The following ANK2 variants were observed in gnomAD, a reference collection of about 807,000 sequenced individuals.
ANK2 encodes the protein ankyrin-2.
Under a neutral mutation model 360.5 loss-of-function variants are expected in ANK2, and 83 were observed. That is an observed-to-expected ratio of 0.23 (90% CI 0.19 to 0.28). The LOEUF (loss-of-function observed/expected upper bound fraction) is 0.28, where lower values mean the gene tolerates loss of function less well. ANK2 is among the 10% of genes least tolerant of loss of function. The pLI is 1.00. For synonymous variants in ANK2, 1,740 were observed against 1,759.5 expected (o/e 0.99, Z 0.28); for missense variants, 4,201 against 4,795.7 (o/e 0.88, Z 3.66).
chr4:113,377,986 C>T (rs1589432490), intron 45 of ANK2: 3 of 363,636 alleles, frequency 8.3e-6, no homozygotes, highest in East Asian at 1.1e-4. Context: ...TTTATCGTTT[C>T]AAGTATATCT....
In ANK2 at chr4:113,232,240, A is replaced by C. The variant is rs377660236; in HGVS notation, c.464A>C (p.Asn155Thr). Residue 155 changes from asparagine to threonine, a missense_variant, in exon 5 of 46, where the codon AAT (asparagine) becomes ACT (threonine). Physicochemically the swap from Asn to Thr is moderately conservative, Grantham distance 65. Around this residue, in one of 4 missense-constraint regions of ANK2, gnomAD observed 169 missense variants for 191.1 expected, o/e 0.88. Transcript: ENST00000357077. Reference sequence around the variant, plus strand: ...AAATATTTGCTGGAAAATGGAGCTAATCAGAGCACTGCTACAGAGGTAAGA... The same window carrying C: ...AAATATTTGCTGGAAAATGGAGCTACTCAGAGCACTGCTACAGAGGTAAGA... Reference protein sequence around the residue: ...VVKYLLENGANQSTATEDGFT... With the variant: ...VVKYLLENGATQSTATEDGFT... 1 of 1,593,008 alleles carries C rather than the reference A, an allele frequency of 6.3e-7. No individual in the cohort carries two copies. Among genetic ancestry groups the C allele is most frequent in the Non-Finnish European group, 8.6e-7 (1 of 1,161,092 alleles).
intron 13 of ANK2, among the ~76,000 whole-genome samples, chr4:113,261,195 T>A (rs965508944): frequency 6.6e-6 from 1 of 152,146 alleles, no homozygotes; most frequent in Non-Finnish European, 1.5e-5. Flanking sequence ...ATTTTTTTTT[T>A]AACTGAAAAT....
chr4:112,994,159 C>T (rs776653969), intron 2 of ANK2, among the ~76,000 whole-genome samples: 19 of 152,106 alleles, frequency 1.2e-4, no homozygotes, highest in Non-Finnish European at 2.2e-4. Flanking sequence ...ATATTAATCC[C>T]GACTTTTTGT....
At chr4:113,152,433 T>C (rs896484083) in intron 1 of ANK2, 4 of 152,192 alleles carry the variant, frequency 2.6e-5, no homozygotes, top group African/African-American at 9.7e-5. Context: ...AAACTTATTA[T>C]GCCACAAGAT....
At chr4:113,227,805 C>A (rs1214776215) in intron 4 of ANK2, among the ~76,000 whole-genome samples, 3 of 152,176 alleles carry the variant, frequency 2.0e-5, no homozygotes, top group Non-Finnish European at 4.4e-5. Flanking sequence ...GATAATAGTA[C>A]AAATGTTGCA....
the ANK2 span, among the ~76,000 whole-genome samples, chr4:112,793,500 A>G: frequency 6.6e-6 from 1 of 152,080 alleles, no homozygotes; most frequent in Non-Finnish European, 1.5e-5. Flanking sequence ...TTACTCTGAA[A>G]ACCCCTGTTA....
At chr4:113,249,239 C>A (rs1472770302) in intron 9 of ANK2, among the ~76,000 whole-genome samples, 1 of 152,004 alleles carries the variant, frequency 6.6e-6, no homozygotes, top group African/African-American at 2.4e-5. Context: ...CTTTTGCAAG[C>A]ATTAGGAAGC....
intron 1 of ANK2, among the ~76,000 whole-genome samples, chr4:112,883,588 C>A (rs2077409459): frequency 6.6e-6 from 1 of 152,008 alleles, no homozygotes; most frequent in Admixed American, 6.6e-5. Context: ...TCATCGAAAT[C>A]TTTAAGGAAT....
chr4:113,360,883 G>A lies in ANK2; in HGVS notation c.10742G>A (p.Gly3581Asp). ...CTGGCTTATATTGCTGATCACCTTG[G>A]CTTCAGCTGGACAGGTAAAAAGAAT... Reference protein sequence around the residue: ...ERLAYIADHLGFSWTELAREL... With the variant: ...ERLAYIADHLDFSWTELAREL... Residue 3581 changes from glycine (G) to aspartate (D), a missense_variant, in exon 39 of 46, where the codon GGC becomes GAC. Gly to Asp is a moderately conservative substitution (Grantham distance 94). Around this residue, in one of 4 missense-constraint regions of ANK2, gnomAD observed 2,642 missense variants for 2,714.5 expected, o/e 0.97. Transcript: ENST00000357077. 1.2e-6 allele frequency: 2 copies of A among 1,612,422 alleles called. No individual in the cohort carries two copies. The highest frequency in any genetic ancestry group is 1.7e-6 in the Non-Finnish European group (2 of 1,179,122).
chr4:113,259,175 A>G (rs905052451), intron 13 of ANK2, among the ~76,000 whole-genome samples: 6 of 152,136 alleles, frequency 3.9e-5, no homozygotes, highest in Non-Finnish European at 8.8e-5. Flanking sequence ...TCATTGTATC[A>G]GGATAAATCA....
chr4:113,301,552 A>G (rs2075026920), intron 22 of ANK2, among the ~76,000 whole-genome samples: 1 of 152,102 alleles, frequency 6.6e-6, no homozygotes, highest in Non-Finnish European at 1.5e-5. Flanking sequence ...TGTAGTCTCC[A>G]TGTTTTACAA....
At chr4:112,860,152 T>A (rs1459581266) in intron 1 of ANK2, among the ~76,000 whole-genome samples, 1 of 152,244 alleles carries the variant, frequency 6.6e-6, no homozygotes, top group Non-Finnish European at 1.5e-5. Flanking sequence ...AGTCAGTTTC[T>A]CATCCACACA....
the ANK2 span, among the ~76,000 whole-genome samples, chr4:112,812,648 C>A: frequency 6.6e-6 from 1 of 152,216 alleles, no homozygotes; most frequent in South Asian, 2.1e-4. Flanking sequence ...CCCTCTGAAC[C>A]CTTCCCAGAC....
intron 1 of ANK2, among the ~76,000 whole-genome samples, chr4:113,055,615 C>T (rs572007685): frequency 2.0e-5 from 3 of 152,244 alleles, no homozygotes; most frequent in East Asian, 3.9e-4. Flanking sequence ...TTCTTTTAAT[C>T]TTACTCTTAT....
intron 1 of ANK2, among the ~76,000 whole-genome samples, chr4:113,051,193 G>A (rs904404293): frequency 5.3e-5 from 8 of 152,026 alleles, no homozygotes; most frequent in Non-Finnish European, 8.8e-5. Context: ...AAGAGAGAGC[G>A]CGAGCAAGCA....
chr4:113,040,677 C>T (rs79139754), intron 2 of ANK2, among the ~76,000 whole-genome samples: 1 of 152,136 alleles, frequency 6.6e-6, no homozygotes, highest in Non-Finnish European at 1.5e-5. Context: ...GAATTTATGG[C>T]TCCTTAATTT....
At chr4:112,745,722 G>A in the ANK2 span, among the ~76,000 whole-genome samples, 7 of 151,950 alleles carry the variant, frequency 4.6e-5, no homozygotes, top group South Asian at 8.3e-4. Flanking sequence ...TAGTAGAGAT[G>A]GGGTTTCTCC....
At chr4:112,761,465 A>G in the ANK2 span, among the ~76,000 whole-genome samples, 1 of 152,042 alleles carries the variant, frequency 6.6e-6, no homozygotes, top group South Asian at 2.1e-4. Flanking sequence ...CTAAAAATAC[A>G]AAAAATTAGC....
chr4:113,290,171 G>GT (rs60417827), intron 20 of ANK2, among the ~76,000 whole-genome samples: 373 of 109,970 alleles, frequency 3.4e-3, no homozygotes, highest in African/African-American at 8.4e-3. Context: ...AGTTTTTTTT[G>GT]TTTTTTTTTT....
Sources: allele counts gnomAD v4.1 joint callset (sites outside exome capture counted in the v4.1 genomes callset), GRCh38; gene constraint gnomAD v4.1.1; regional missense constraint gnomAD v4.1.1; transcripts MANE v1.5; gene names NCBI Gene and HGNC (gene_info 2026-07-23, HGNC 2026-07-21).